Variants in XPO4 observed in about 807,000 individuals in gnomAD.
The protein encoded by XPO4 is exportin 4.
In XPO4, 39 loss-of-function variants were observed where a neutral mutation model predicts 143.0. That is an observed-to-expected ratio of 0.27 (90% CI 0.21 to 0.36). The LOEUF is 0.36. Ranked by LOEUF, XPO4 falls within the 10% of genes least tolerant of loss-of-function variation. The pLI, the probability that XPO4 is intolerant of heterozygous loss-of-function variation, is 1.00. For missense variants in XPO4, 907 were observed against 1,348.0 expected, an observed-to-expected ratio of 0.67 and a Z score of 5.12; for synonymous variants, 439 against 474.0, an observed-to-expected ratio of 0.93 and a Z score of 0.96.
chr13:20,831,067 A>T (rs1012581646), intron 6 of XPO4, among the ~76,000 whole-genome samples: 2 of 151,808 alleles, frequency 1.3e-5, no homozygotes, highest in African/African-American at 2.4e-5. Context: ...TATAAGAAAT[A>T]AAAAAAACCA....
intron 1 of XPO4, 28 bp from the exon 2 acceptor site, chr13:20,868,729 C>G (rs751411547): frequency 6.3e-7 from 1 of 1,587,300 alleles, no homozygotes; most frequent in East Asian, 2.2e-5. Flanking sequence ...AGAACAGATA[C>G]ACTTATCTAA....
chr13:20,825,722 T>G (rs1304513123), intron 7 of XPO4, among the ~76,000 whole-genome samples: 1 of 152,150 alleles, frequency 6.6e-6, no homozygotes, highest in Non-Finnish European at 1.5e-5. Context: ...TCAAAACAAT[T>G]CCTGTCAGAT....
Position 20,821,310 on chromosome 13 carries a change from C to CAA in XPO4, c.1173+392_1173+393dup, listed in dbSNP as rs11414490. Among the ~76,000 whole-genome samples, 433 of 142,622 alleles carry CAA rather than the reference C, an allele frequency of 3.0e-3. 1 individual carries two copies. The highest frequency in any genetic ancestry group is 9.4e-3 in the East Asian group (47 of 5,010). 93.6% of individuals were successfully genotyped at this position (142,622 alleles called of 152,430 possible). A position where few individuals can be genotyped will look rare whatever the true frequency, so the allele number is the denominator to read the frequency against. On this transcript the variant is annotated intron_variant, in intron 9 of 22. Transcript: ENST00000255305. ...AAATAAGTCCAACGTAAAAAATTCT[C>CAA]AAAAAAAAAAAAAATTACACGTAAT...
At chr13:20,851,509 G>C (rs998162352) in intron 4 of XPO4, 10 of 860,952 alleles carry the variant, frequency 1.2e-5, no homozygotes, top group Non-Finnish European at 1.4e-5. Context: ...GGAAGTTTGA[G>C]ACCAGCTTGG....
intron 4 of XPO4, chr13:20,848,841 A>G: frequency 1.0e-6 from 1 of 985,346 alleles, no homozygotes; most frequent in South Asian, 4.7e-5. Flanking sequence ...TCAAACAAGT[A>G]GAAGACAATG....
intron 1 of XPO4, among the ~76,000 whole-genome samples, chr13:20,872,752 TAG>T (rs751791274): frequency 2.0e-5 from 3 of 152,130 alleles, no homozygotes; most frequent in Non-Finnish European, 4.4e-5. Context: ...TAAACCCAGG[TAG>T]TATGACTCCA....
intron 6 of XPO4, 35 bp from the exon 7 acceptor site, chr13:20,827,214 C>T (rs752592753): frequency 1.4e-6 from 2 of 1,432,400 alleles, no homozygotes; most frequent in Non-Finnish European, 2.0e-6. Flanking sequence ...CAATAACATT[C>T]TTACTTTGTC....
At chr13:20,861,777 C>CTCTCTT (rs1370810623) in intron 3 of XPO4, among the ~76,000 whole-genome samples, 1 of 73,394 alleles carries the variant, frequency 1.4e-5, no homozygotes, top group African/African-American at 4.8e-5. Context: ...ACATTTCTCT[C>CTCTCTT]TTTTTTTTTT....
At position 20,842,988 on chromosome 13, in the gene XPO4, G is replaced by C; in HGVS notation, c.634C>G (p.Arg212Gly). ...TVEVLQEFSR[R>G]ENLNAQMSSV... ...GACATCTGAGCATTGAGGTTTTCCCGCCTGCTGAACTCCTGCAGAACTTCA... is the reference window on the plus strand; with the variant it reads ...GACATCTGAGCATTGAGGTTTTCCCCCCTGCTGAACTCCTGCAGAACTTCA... Residue 212 changes from arginine to glycine, a missense_variant, in exon 6 of 23, where the codon CGG (arginine) becomes GGG (glycine). Physicochemically the swap from Arg to Gly is moderately radical, Grantham distance 125. Coordinates refer to ENST00000255305, the MANE Select transcript of XPO4 (RefSeq NM_022459.5). 1.2e-6 allele frequency: 2 copies of C among 1,613,266 alleles called. No homozygotes were observed. The highest frequency in any genetic ancestry group is 1.7e-6 in the Non-Finnish European group (2 of 1,179,464).
At chr13:20,818,708 G>A (rs937039092) in intron 9 of XPO4, among the ~76,000 whole-genome samples, 2 of 152,118 alleles carry the variant, frequency 1.3e-5, no homozygotes, top group African/African-American at 2.4e-5. Flanking sequence ...TGGTAAGAGT[G>A]CACACAGGTT....
chr13:20,796,659 A>G (rs2059362452), intron 17 of XPO4, 105 bp downstream of exon 17: 4 of 899,066 alleles, frequency 4.4e-6, no homozygotes, highest in Non-Finnish European at 6.0e-6. Context: ...AGGAATAAAA[A>G]TATTATTTAA....
intron 1 of XPO4, among the ~76,000 whole-genome samples, chr13:20,896,041 G>T (rs547586031): frequency 1.3e-3 from 198 of 152,308 alleles, no homozygotes; most frequent in African/African-American, 4.6e-3. Flanking sequence ...GAAGGCTCTT[G>T]TATCGAAAAC....
chr13:20,796,048 G>A, intron 18 of XPO4, 28 bp downstream of exon 18: 1 of 1,581,474 alleles, frequency 6.3e-7, no homozygotes, highest in Non-Finnish European at 8.6e-7. Flanking sequence ...TAACAACAAA[G>A]TTTAAAAACC....
At chr13:20,809,275 ACG>A (rs2137891237) in intron 10 of XPO4, 50 bp from the exon 11 acceptor site, 5 of 1,587,850 alleles carry the variant, frequency 3.1e-6, no homozygotes, top group Non-Finnish European at 4.3e-6. Flanking sequence ...TGCCTATTCA[ACG>A]TGCACTTCTG....
intron 6 of XPO4, among the ~76,000 whole-genome samples, chr13:20,840,619 T>C (rs2059964565): frequency 6.6e-6 from 1 of 152,220 alleles, no homozygotes; most frequent in Admixed American, 6.5e-5. Flanking sequence ...TTCTTTTCCT[T>C]ACTGATTGAA....
chr13:20,897,103 T>C (rs1457156099), intron 1 of XPO4, among the ~76,000 whole-genome samples: 1 of 152,158 alleles, frequency 6.6e-6, no homozygotes, highest in Non-Finnish European at 1.5e-5. Flanking sequence ...TTTTCTAATA[T>C]CTAGTGCCAC....
chr13:20,882,485 G>A (rs1225309456), intron 1 of XPO4, among the ~76,000 whole-genome samples: 1 of 152,048 alleles, frequency 6.6e-6, no homozygotes, highest in African/African-American at 2.4e-5. Context: ...ATTCATGAGG[G>A]ATCCACCTCA....
chr13:20,864,884 A>AG (rs2060231470), intron 2 of XPO4, among the ~76,000 whole-genome samples: 1 of 152,132 alleles, frequency 6.6e-6, no homozygotes, highest in Admixed American at 6.5e-5. Flanking sequence ...AAAAAAAAAA[A>AG]AAGCCAAATT....
intron 13 of XPO4, among the ~76,000 whole-genome samples, chr13:20,804,179 C>T (rs1275057572): frequency 2.7e-5 from 4 of 150,046 alleles, no homozygotes; most frequent in African/African-American, 9.8e-5. Context: ...ACACTATATA[C>T]ATACACTATA....
Sources: gnomAD v4.1 joint callset for allele counts (sites outside exome capture counted in the v4.1 genomes callset) on GRCh38, gnomAD v4.1.1 for gene constraint, MANE v1.5 for transcripts, NCBI Gene and HGNC (gene_info 2026-07-23, HGNC 2026-07-21) for gene names.